The following SLC4A5 variants were observed in gnomAD, a reference collection of about 807,000 sequenced individuals.
The protein encoded by SLC4A5 is solute carrier family 4 member 5, also known as electrogenic sodium bicarbonate cotransporter 4.
A neutral mutation model predicts 120.4 loss-of-function variants in SLC4A5; 96 were observed. The ratio of observed to expected loss-of-function variants is 0.80; its 90% CI spans 0.68 to 0.94. The LOEUF (loss-of-function observed/expected upper bound fraction) is 0.94, where lower values mean the gene tolerates loss of function less well. Among genes scored for constraint, SLC4A5 ranks in the 40% least tolerant of loss-of-function variants. SLC4A5 has a pLI of 0.00. For synonymous variants in SLC4A5, 550 were observed against 571.1 expected (o/e 0.96, Z 0.53); for missense variants, 1,259 against 1,459.5 (o/e 0.86, Z 2.24).
chr2:74,239,202 C>T (rs1294925094), intron 21 of SLC4A5, 133 bp downstream of exon 21: 28 of 748,142 alleles, frequency 3.7e-5, no homozygotes, highest in Non-Finnish European at 6.0e-5. Context: ...ACAGTTCTCT[C>T]TGACTTAACT....
Position 74,233,641 on chromosome 2 carries a change from ACCT to A in SLC4A5, c.2434-81_2434-79del, listed in dbSNP as rs1256724402. The A allele has an allele frequency of 5.5e-6, 8 of 1,455,232 alleles. No homozygotes were observed. In the East Asian group the frequency reaches 1.2e-4, roughly 22 times the overall value. 90.1% of individuals were successfully genotyped at this position (1,455,232 alleles called of 1,614,324 possible). A position where few individuals can be genotyped will look rare whatever the true frequency, so the allele number is the denominator to read the frequency against. On this transcript the variant is annotated intron_variant, in intron 22 of 30. Transcript: ENST00000394019. Reference sequence around the variant, plus strand: ...CACTTGTCGCCTGGCCTGCTGTCCCACCTCCTCAACTTTCCCTGACTTTGGGTA... The same window carrying A: ...CACTTGTCGCCTGGCCTGCTGTCCCACCTCAACTTTCCCTGACTTTGGGTA...
intron 21 of SLC4A5, among the ~76,000 whole-genome samples, chr2:74,237,824 G>A (rs1436594352): frequency 6.6e-6 from 1 of 152,112 alleles, no homozygotes; most frequent in South Asian, 2.1e-4. Context: ...AGTTAGGGCT[G>A]GGTGCGGTGG....
intron 7 of SLC4A5, among the ~76,000 whole-genome samples, chr2:74,302,241 T>G (rs1398194539): frequency 1.3e-5 from 2 of 152,130 alleles, no homozygotes; most frequent in Non-Finnish European, 2.9e-5. Context: ...TCCACAGCCC[T>G]GTCGGGAACA....
intron 11 of SLC4A5, 79 bp from the exon 12 acceptor site, chr2:74,259,722 A>G (rs1671077344): frequency 7.3e-7 from 1 of 1,377,148 alleles, no homozygotes; most frequent in African/African-American, 1.4e-5. Context: ...CTACTCATGT[A>G]CCTCTCCCAT....
intron 4 of SLC4A5, among the ~76,000 whole-genome samples, chr2:74,330,973 TGGTGAGGTCTA>T: frequency 6.7e-6 from 1 of 148,260 alleles, no homozygotes; most frequent in African/African-American, 2.5e-5. Context: ...TAGATGGTGG[TGGTGAGGTCTA>T]GATGGAGGTG....
intron 20 of SLC4A5, 40 bp downstream of exon 20, chr2:74,241,954 A>G (rs1171326419): frequency 3.2e-6 from 5 of 1,579,702 alleles, no homozygotes; most frequent in Non-Finnish European, 4.3e-6. Flanking sequence ...TCCTACAAAC[A>G]AAAGCACTCA....
chr2:74,219,376 C>T (rs1386310488), intron 30 of SLC4A5, among the ~76,000 whole-genome samples: 3 of 152,150 alleles, frequency 2.0e-5, no homozygotes, highest in South Asian at 4.1e-4. Flanking sequence ...GATATTCTTG[C>T]ACAGGGTGCT....
chr2:74,295,330 C>T lies in SLC4A5; in HGVS notation c.271+9159G>A, dbSNP rs953822684. Among the ~76,000 whole-genome samples, 3 of 152,204 alleles carry T rather than the reference C, an allele frequency of 2.0e-5. No homozygotes were observed. The East Asian group carries it at 5.8e-4, about 29-fold the overall frequency. Reference sequence around the variant, plus strand: ...TTAAGAACAGGGATATCTAATATCTCATTTTAAAAATTGAGTATCTCGGCC... The same window carrying T: ...TTAAGAACAGGGATATCTAATATCTTATTTTAAAAATTGAGTATCTCGGCC... On this transcript the variant is annotated intron_variant, in intron 7 of 30. Transcript: ENST00000394019.
intron 7 of SLC4A5, chr2:74,290,224 A>T: frequency 1.0e-6 from 1 of 985,516 alleles, no homozygotes; most frequent in Non-Finnish European, 1.2e-6. Context: ...GATGCAAACC[A>T]GTTCTGCCTG....
intron 8 of SLC4A5, among the ~76,000 whole-genome samples, chr2:74,272,414 C>G (rs1161863456): frequency 1.3e-5 from 2 of 152,180 alleles, no homozygotes; most frequent in Non-Finnish European, 2.9e-5. Context: ...CTTGCAAAAG[C>G]CTGATAATAA....
chr2:74,320,232 C>T (rs7567768), intron 5 of SLC4A5, among the ~76,000 whole-genome samples: 33,266 of 151,814 alleles, frequency 0.22, 5,382 homozygotes, highest in East Asian at 0.47. Flanking sequence ...GAGAAAATTA[C>T]CAATGAAATA....
At chr2:74,322,322 C>T (rs912193918) in intron 5 of SLC4A5, among the ~76,000 whole-genome samples, 3 of 152,072 alleles carry the variant, frequency 2.0e-5, no homozygotes, top group African/African-American at 7.2e-5. Flanking sequence ...TATGTATTAA[C>T]ATGTATAAAT....
intron 8 of SLC4A5, among the ~76,000 whole-genome samples, chr2:74,282,954 T>C (rs1324541979): frequency 6.6e-6 from 1 of 152,096 alleles, no homozygotes; most frequent in Non-Finnish European, 1.5e-5. Context: ...CCCTCAGAGG[T>C]GTTAAGACAT....
chr2:74,323,506 A>T (rs1197137904), intron 5 of SLC4A5, among the ~76,000 whole-genome samples: 1 of 152,218 alleles, frequency 6.6e-6, no homozygotes, highest in African/African-American at 2.4e-5. Context: ...CAGTCCCCAG[A>T]TGACAGCTGT....
Position 74,222,848 on chromosome 2 carries a change from ACAT to A in SLC4A5, c.3331+17_3331+19del, listed in dbSNP as rs761947968. On this transcript the variant is annotated intron_variant, in intron 29 of 30. Coordinates refer to ENST00000394019, the Ensembl canonical transcript of SLC4A5. ...GAGGACTAGTAGTAAGAAGGGAGAG[ACAT>A]CATGTGTTTTACTTACTGGCAATGC... 7.6e-6 allele frequency: 12 copies of A among 1,580,254 alleles called. No individual in the cohort carries two copies. Among genetic ancestry groups the A allele is most frequent in the Non-Finnish European group, 1.0e-5 (12 of 1,149,296 alleles).
At chr2:74,331,498 T>C (rs1419542177) in intron 4 of SLC4A5, among the ~76,000 whole-genome samples, 1 of 151,758 alleles carries the variant, frequency 6.6e-6, no homozygotes, top group African/African-American at 2.4e-5. Flanking sequence ...AGAAGATTGT[T>C]GTTGCTATTA....
intron 7 of SLC4A5, among the ~76,000 whole-genome samples, chr2:74,295,858 TGAGTCCACCAAG>T: frequency 6.6e-6 from 1 of 152,244 alleles, no homozygotes; most frequent in Non-Finnish European, 1.5e-5. Context: ...ACTGTGAGAC[TGAGTCCACCAAG>T]CAGGGACTTG....
intron 4 of SLC4A5, among the ~76,000 whole-genome samples, chr2:74,333,806 A>G (rs1673422758): frequency 1.3e-5 from 2 of 152,158 alleles, no homozygotes; most frequent in African/African-American, 4.8e-5. Context: ...TGCCATCTGA[A>G]CCCTACCTGG....
rs1183205014 is a variant in SLC4A5, at chr2:74,247,032, T to C, written c.2059+4A>G. The C allele has an allele frequency of 4.3e-6, 7 of 1,613,178 alleles. No individual in the cohort carries two copies. Among genetic ancestry groups the C allele is most frequent in the Admixed American group, 1.7e-5 (1 of 59,992 alleles). On this transcript the variant is annotated splice_donor_region_variant and intron_variant, in intron 19 of 30. Coordinates refer to ENST00000394019, the Ensembl canonical transcript of SLC4A5. ...CCCACGGCATGTCTGGGGTTACCGG[T>C]CACCTGTGTCAGGGGCGACACACTC...
Sources: gnomAD v4.1 joint callset for allele counts (sites outside exome capture counted in the v4.1 genomes callset) on GRCh38, gnomAD v4.1.1 for gene constraint, MANE v1.5 for transcripts, NCBI Gene and HGNC (gene_info 2026-07-23, HGNC 2026-07-21) for gene names.